Variants in ADAM7 observed in about 807,000 individuals in gnomAD.
The protein encoded by ADAM7 is ADAM metallopeptidase domain 7.
ADAM7 carries 97 observed loss-of-function variants against 102.9 expected under a neutral mutation model. That is an observed-to-expected ratio of 0.94 (90% CI 0.80 to 1.12). The LOEUF (loss-of-function observed/expected upper bound fraction) is 1.12. ADAM7 is among the 50% of genes most tolerant of loss of function. ADAM7 has a pLI of 0.00. For missense variants in ADAM7, 991 were observed against 908.7 expected, an observed-to-expected ratio of 1.09 and a Z score of -1.16; for synonymous variants, 334 against 304.4, an observed-to-expected ratio of 1.10 and a Z score of -1.01.
intron 5 of ADAM7, among the ~76,000 whole-genome samples, chr8:24,466,499 A>G (rs1819429539): frequency 6.6e-6 from 1 of 152,182 alleles, no homozygotes; most frequent in Non-Finnish European, 1.5e-5. Context: ...TAATTTTTGC[A>G]ATAACTCTTA....
chr8:24,456,420 G>A (rs1046152767), intron 3 of ADAM7, among the ~76,000 whole-genome samples: 2 of 152,156 alleles, frequency 1.3e-5, no homozygotes, highest in Non-Finnish European at 2.9e-5. Context: ...ATTGTGAATA[G>A]TGTTGCAATG....
chr8:24,458,866 T>A (rs1426846843), intron 3 of ADAM7, among the ~76,000 whole-genome samples: 5 of 152,036 alleles, frequency 3.3e-5, no homozygotes, highest in Non-Finnish European at 7.4e-5. Flanking sequence ...AATGTCGATA[T>A]GGCAGTGTAC....
At chr8:24,454,103 CA>C (rs1313203511) in intron 3 of ADAM7, among the ~76,000 whole-genome samples, 2 of 152,220 alleles carry the variant, frequency 1.3e-5, no homozygotes, top group Non-Finnish European at 2.9e-5. Context: ...GGTCAGGGGT[CA>C]GGGACCCACT....
intron 16 of ADAM7, among the ~76,000 whole-genome samples, chr8:24,498,364 C>T (rs1445404067): frequency 6.6e-6 from 1 of 151,304 alleles, no homozygotes; most frequent in Non-Finnish European, 1.5e-5. Flanking sequence ...TTGATTTTTT[C>T]TTGAAAATGA....
At chr8:24,462,711 A>G (rs1480780275) in intron 3 of ADAM7, among the ~76,000 whole-genome samples, 1 of 152,364 alleles carries the variant, frequency 6.6e-6, no homozygotes, top group East Asian at 1.9e-4. Flanking sequence ...ATGAAATGCT[A>G]TATTTAGTTC....
intron 3 of ADAM7, among the ~76,000 whole-genome samples, chr8:24,452,649 C>CA (rs904543990): frequency 6.7e-6 from 1 of 149,342 alleles, no homozygotes; most frequent in African/African-American, 2.5e-5. Context: ...AGTCCATTTA[C>CA]ATTTAAAGTT....
At chr8:24,466,166 C>T (rs1346948466) in intron 5 of ADAM7, among the ~76,000 whole-genome samples, 7 of 152,252 alleles carry the variant, frequency 4.6e-5, no homozygotes, top group East Asian at 3.9e-4. Context: ...TGTGAATTCC[C>T]ATTATGCCGT....
intron 3 of ADAM7, among the ~76,000 whole-genome samples, chr8:24,453,184 C>G (rs1408981820): frequency 6.6e-6 from 1 of 150,822 alleles, no homozygotes; most frequent in African/African-American, 2.4e-5. Context: ...TTTCCTGAAT[C>G]TGAATGTTGG....
chr8:24,456,715 T>G (rs1248138960), intron 3 of ADAM7, among the ~76,000 whole-genome samples: 2 of 152,290 alleles, frequency 1.3e-5, no homozygotes, highest in East Asian at 3.9e-4. Flanking sequence ...ATGTACTCTT[T>G]TGTGTAAGAC....
chr8:24,458,859 G>A (rs1819135696), intron 3 of ADAM7, among the ~76,000 whole-genome samples: 1 of 151,924 alleles, frequency 6.6e-6, no homozygotes, highest in African/African-American at 2.4e-5. Flanking sequence ...CCATTGAAAT[G>A]TCGATATGGC....
intron 5 of ADAM7, 111 bp downstream of exon 5, chr8:24,465,886 GA>G: frequency 1.4e-6 from 1 of 703,782 alleles, no homozygotes; most frequent in Non-Finnish European, 2.2e-6. Context: ...AAATTAATGA[GA>G]AAAAAGCTGC....
chr8:24,508,769 T>A lies in ADAM7; in HGVS notation c.*223T>A. 7.4e-7 allele frequency: 1 copy of A among 1,353,886 alleles called. No individual in the cohort carries two copies. Among genetic ancestry groups the A allele is most frequent in the East Asian group, 2.6e-5 (1 of 37,968 alleles). The allele number at this position is 1,353,886 out of a possible 1,614,324, so 83.9% of individuals were successfully genotyped here. A position where few individuals can be genotyped will look rare whatever the true frequency, so the allele number is the denominator to read the frequency against. On this transcript the variant is annotated 3_prime_UTR_variant, in exon 22 of 22. Transcript: ENST00000175238. The stretch of plus-strand genomic sequence containing the variant: ...ATAAACATATGCTGCAGAAAAAAAA[T>A]GTCTTGTGGTCTTTCAAATGCTCTT...
At chr8:24,487,647 GA>G (rs1054240692) in intron 11 of ADAM7, among the ~76,000 whole-genome samples, 12 of 146,622 alleles carry the variant, frequency 8.2e-5, no homozygotes, top group Non-Finnish European at 1.4e-4. Flanking sequence ...AAAAAAAAAA[GA>G]AAAAAAAAGA....
chr8:24,507,586 G>A (rs376033557), intron 21 of ADAM7, 51 bp downstream of exon 21: 25 of 1,452,896 alleles, frequency 1.7e-5, no homozygotes, highest in African/African-American at 1.3e-4. Context: ...TCAAATGCTG[G>A]CATAGTTTTG....
At chr8:24,462,034 G>T (rs1267089082) in intron 3 of ADAM7, among the ~76,000 whole-genome samples, 1 of 152,130 alleles carries the variant, frequency 6.6e-6, no homozygotes, top group African/African-American at 2.4e-5. Context: ...TTTCTTCATT[G>T]TGTAAATTTG....
At chr8:24,471,106 A>T (rs907615934) in intron 7 of ADAM7, among the ~76,000 whole-genome samples, 1 of 152,112 alleles carries the variant, frequency 6.6e-6, no homozygotes, top group African/African-American at 2.4e-5. Context: ...AAGTAAAAAT[A>T]AATTAAAAAA....
At chr8:24,457,854 ATGTGTGTGAGTG>A (rs1387909790) in intron 3 of ADAM7, among the ~76,000 whole-genome samples, 4 of 115,078 alleles carry the variant, frequency 3.5e-5, no homozygotes, top group Non-Finnish European at 7.2e-5. Flanking sequence ...GTATGTGCAT[ATGTGTGTGAGTG>A]TGTGTGTGTG....
chr8:24,508,269 C>T (rs1480175694), intron 21 of ADAM7, among the ~76,000 whole-genome samples: 2 of 152,140 alleles, frequency 1.3e-5, no homozygotes, highest in Non-Finnish European at 2.9e-5. Context: ...ACCTGTCCCA[C>T]AGAGAGTAGA....
chr8:24,504,518 T>C (rs1820884228), intron 20 of ADAM7, among the ~76,000 whole-genome samples: 1 of 152,064 alleles, frequency 6.6e-6, no homozygotes, highest in Admixed American at 6.6e-5. Context: ...AACTGCCCAT[T>C]AGGATTTAAG....
Sources: allele counts gnomAD v4.1 joint callset (sites outside exome capture counted in the v4.1 genomes callset), GRCh38; gene constraint gnomAD v4.1.1; transcripts MANE v1.5; gene names NCBI Gene and HGNC (gene_info 2026-07-23, HGNC 2026-07-21).